Variants in BICC1 observed in about 807,000 individuals in gnomAD.
The protein encoded by BICC1 is BicC family RNA binding protein 1.
BICC1 carries 43 observed loss-of-function variants against 111.0 expected under a neutral mutation model. The ratio of observed to expected loss-of-function variants is 0.39; its 90% confidence interval spans 0.30 to 0.50. BICC1 has a LOEUF of 0.50. Ranked by LOEUF, BICC1 falls within the 20% of genes least tolerant of loss-of-function variation. BICC1 has a pLI of 0.88. For missense variants in BICC1, 1,091 were observed against 1,203.2 expected, an observed-to-expected ratio of 0.91 and a Z score of 1.38; for synonymous variants, 467 against 434.4, an observed-to-expected ratio of 1.07 and a Z score of -0.93.
intron 3 of BICC1, among the ~76,000 whole-genome samples, chr10:58,745,599 A>ACCCCCC (rs1564589090): frequency 2.9e-4 from 12 of 41,700 alleles, no homozygotes; most frequent in African/African-American, 3.5e-4. Context: ...AGAGCCCCCC[A>ACCCCCC]CCGCCCCCCC....
At chr10:58,724,035 A>G (rs552246434) in intron 3 of BICC1, among the ~76,000 whole-genome samples, 74 of 152,236 alleles carry the variant, frequency 4.9e-4, no homozygotes, top group Admixed American at 5.2e-4. Flanking sequence ...TGTGACTTTA[A>G]GACTTTGAGC....
chr10:58,561,933 GAATATATAATACC>G (rs1475393063), intron 1 of BICC1, among the ~76,000 whole-genome samples: 1 of 152,008 alleles, frequency 6.6e-6, no homozygotes, highest in Non-Finnish European at 1.5e-5. Flanking sequence ...TCAGCATTTT[GAATATATAATACC>G]ATTTTCTTTT....
chr10:58,743,693 C>T (rs947320727), intron 3 of BICC1, among the ~76,000 whole-genome samples: 2 of 151,942 alleles, frequency 1.3e-5, no homozygotes, highest in Non-Finnish European at 2.9e-5. Context: ...AGCAGAATCC[C>T]CCAGGTTGGT....
intron 20 of BICC1, among the ~76,000 whole-genome samples, chr10:58,825,691 G>C (rs1022950622): frequency 1.3e-5 from 2 of 152,080 alleles, no homozygotes; most frequent in East Asian, 3.8e-4. Context: ...ACAAGTATCC[G>C]CTTAAAGCAC....
chr10:58,667,087 T>A (rs955194944), intron 2 of BICC1, among the ~76,000 whole-genome samples: 3 of 152,134 alleles, frequency 2.0e-5, no homozygotes, highest in Non-Finnish European at 4.4e-5. Context: ...CTGACAGTTT[T>A]AAGGAAGGCA....
chr10:58,808,046 A>G (rs575639691), intron 17 of BICC1, among the ~76,000 whole-genome samples: 1 of 150,982 alleles, frequency 6.6e-6, no homozygotes, highest in South Asian at 2.1e-4. Context: ...AAATTAGGCT[A>G]TTGATGAAAC....
intron 2 of BICC1, among the ~76,000 whole-genome samples, chr10:58,649,948 A>T (rs1838393331): frequency 6.6e-6 from 1 of 152,186 alleles, no homozygotes; most frequent in South Asian, 2.1e-4. Flanking sequence ...AATCACTTTC[A>T]AATATTTTTT....
At chr10:58,618,806 T>G (rs1845704988) in intron 1 of BICC1, among the ~76,000 whole-genome samples, 2 of 152,170 alleles carry the variant, frequency 1.3e-5, no homozygotes, top group South Asian at 4.1e-4. Context: ...AAATCTTACT[T>G]TTTGGGTCTG....
intron 3 of BICC1, among the ~76,000 whole-genome samples, chr10:58,717,612 T>C (rs1425147496): frequency 6.6e-6 from 1 of 152,190 alleles, no homozygotes; most frequent in East Asian, 1.9e-4. Flanking sequence ...GAAATACCAT[T>C]GCATGTATAT....
At chr10:58,734,937 A>G (rs1401594851) in intron 3 of BICC1, among the ~76,000 whole-genome samples, 1 of 152,162 alleles carries the variant, frequency 6.6e-6, no homozygotes, top group Non-Finnish European at 1.5e-5. Context: ...ACTGTCCATC[A>G]AGCAGATCTT....
chr10:58,722,145 G>A (rs934341862), intron 3 of BICC1, among the ~76,000 whole-genome samples: 1 of 152,118 alleles, frequency 6.6e-6, no homozygotes, highest in Non-Finnish European at 1.5e-5. Context: ...CAAGAAAATT[G>A]CTCATAAGTA....
At chr10:58,644,298 A>G (rs1334315590) in intron 2 of BICC1, among the ~76,000 whole-genome samples, 1 of 152,204 alleles carries the variant, frequency 6.6e-6, no homozygotes, top group African/African-American at 2.4e-5. Context: ...GAGAAAGAAA[A>G]TTGGCTCAAA....
chr10:58,532,301 GA>G (rs35894257), intron 1 of BICC1, among the ~76,000 whole-genome samples: 70,971 of 149,156 alleles, frequency 0.48, 17,535 homozygotes, highest in Admixed American at 0.63. Context: ...TATGTATTAT[GA>G]AAAAAAAAAC....
At chr10:58,741,425 C>T (rs1228878109) in intron 3 of BICC1, among the ~76,000 whole-genome samples, 1 of 152,084 alleles carries the variant, frequency 6.6e-6, no homozygotes, top group African/African-American at 2.4e-5. Context: ...AATAAGGATA[C>T]TGTAGTCCAA....
At chr10:58,708,134 G>T (rs1316397712) in intron 3 of BICC1, among the ~76,000 whole-genome samples, 3 of 104,130 alleles carry the variant, frequency 2.9e-5, no homozygotes. Flanking sequence ...GTGAGCCACC[G>T]CGCCTAGCCA....
At chr10:58,544,928 A>G (rs2131894894) in intron 1 of BICC1, among the ~76,000 whole-genome samples, 1 of 152,256 alleles carries the variant, frequency 6.6e-6, no homozygotes, top group East Asian at 1.9e-4. Context: ...CTTTGGATAC[A>G]GAGATATGCA....
intron 16 of BICC1, 29 bp from the exon 17 acceptor site, chr10:58,806,975 C>A (rs759521737): frequency 1.3e-6 from 2 of 1,592,154 alleles, no homozygotes; most frequent in African/African-American, 1.3e-5. Context: ...TTAAACATAC[C>A]AAGCATTGGT....
chr10:58,575,859 A>G (rs1844096479), intron 1 of BICC1, among the ~76,000 whole-genome samples: 1 of 152,172 alleles, frequency 6.6e-6, no homozygotes, highest in Admixed American at 6.6e-5. Context: ...TATTTATGCA[A>G]GTTCACAATA....
At chr10:58,651,072 C>T (rs1335621097) in intron 2 of BICC1, among the ~76,000 whole-genome samples, 2 of 152,146 alleles carry the variant, frequency 1.3e-5, no homozygotes, top group African/African-American at 4.8e-5. Flanking sequence ...ATGAGGAATG[C>T]CTGCCCTGAG....
Sources: allele counts gnomAD v4.1 joint callset (sites outside exome capture counted in the v4.1 genomes callset), GRCh38; gene constraint gnomAD v4.1.1; transcripts MANE v1.5; gene names NCBI Gene and HGNC (gene_info 2026-07-23, HGNC 2026-07-21).